Variants in MICU3 observed in about 807,000 individuals in gnomAD.
The protein encoded by MICU3 is mitochondrial calcium uptake 3, also known as calcium uptake protein 3, mitochondrial.
MICU3 carries 62 observed loss-of-function variants against 66.5 expected under a neutral mutation model. The ratio of observed to expected loss-of-function variants is 0.93; its 90% CI spans 0.76 to 1.15. The LOEUF is 1.15. Among genes scored for constraint, MICU3 ranks in the 50% most tolerant of loss-of-function variants. The pLI is 0.00. For missense variants in MICU3, 779 were observed against 664.4 expected, an observed-to-expected ratio of 1.17 and a Z score of -1.90; for synonymous variants, 308 against 240.7, an observed-to-expected ratio of 1.28 and a Z score of -2.59.
intron 12 of MICU3, 109 bp from the exon 13 acceptor site, chr8:17,116,334 G>T: frequency 3.0e-6 from 2 of 665,188 alleles, no homozygotes; most frequent in Non-Finnish European, 4.5e-6. Context: ...TGTTGCATAA[G>T]ATCATGATTC....
At chr8:17,070,569 CTATTTTT>C (rs1404948520) in intron 3 of MICU3, among the ~76,000 whole-genome samples, 1 of 151,290 alleles carries the variant, frequency 6.6e-6, no homozygotes, top group Non-Finnish European at 1.5e-5. Context: ...TGCTAATTTT[CTATTTTT>C]TAAGTTAACT....
intron 11 of MICU3, among the ~76,000 whole-genome samples, chr8:17,110,207 A>AT (rs1443004577): frequency 1.3e-5 from 2 of 152,012 alleles, no homozygotes; most frequent in African/African-American, 4.8e-5. Flanking sequence ...ATTTGTTTGG[A>AT]TTTTTTGAGT....
At chr8:17,114,265 G>A (rs1802482937) in intron 12 of MICU3, 64 bp downstream of exon 12, 5 of 1,058,878 alleles carry the variant, frequency 4.7e-6, no homozygotes, top group East Asian at 2.5e-5. Context: ...ATAGATTTTG[G>A]CAACCAATTA....
intron 1 of MICU3, among the ~76,000 whole-genome samples, chr8:17,044,135 A>G (rs1814672909): frequency 1.3e-5 from 2 of 152,222 alleles, no homozygotes; most frequent in African/African-American, 4.8e-5. Context: ...TTCACATAGC[A>G]GAATTTGGAA....
At chr8:17,056,120 C>A (rs949718654) in intron 1 of MICU3, among the ~76,000 whole-genome samples, 2 of 152,112 alleles carry the variant, frequency 1.3e-5, no homozygotes, top group East Asian at 3.9e-4. Flanking sequence ...GTCTTCTATC[C>A]GAATCCCCTG....
At chr8:17,069,469 A>G (rs527822440) in intron 2 of MICU3, among the ~76,000 whole-genome samples, 11 of 152,218 alleles carry the variant, frequency 7.2e-5, no homozygotes, top group African/African-American at 2.2e-4. Context: ...TGTTTCCTGT[A>G]TCACTGATAC....
the MICU3 span, among the ~76,000 whole-genome samples, chr8:17,129,782 AAG>A: frequency 2.0e-5 from 3 of 152,230 alleles, no homozygotes; most frequent in Non-Finnish European, 4.4e-5. Context: ...AGAAATGTGT[AAG>A]AGTTTCAAGA....
intron 1 of MICU3, among the ~76,000 whole-genome samples, chr8:17,057,084 C>G (rs1480046501): frequency 6.6e-6 from 1 of 152,160 alleles, no homozygotes; most frequent in African/African-American, 2.4e-5. Context: ...GAAGTTCTGT[C>G]AGTAAATAAC....
intron 11 of MICU3, among the ~76,000 whole-genome samples, chr8:17,112,903 C>T (rs1377260808): frequency 6.6e-6 from 1 of 152,170 alleles, no homozygotes; most frequent in Non-Finnish European, 1.5e-5. Context: ...CTTTCTGGTG[C>T]AGTCCTCCTA....
At chr8:17,124,250 T>C (rs1803345561), downstream of MICU3, among the ~76,000 whole-genome samples, 1 of 152,136 alleles carries the variant, frequency 6.6e-6, no homozygotes, top group Non-Finnish European at 1.5e-5. Flanking sequence ...TCAGTTATTA[T>C]ATTTGCTTCC....
In MICU3 at chr8:17,085,271, T is replaced by G; in HGVS notation, c.730T>G (p.Phe244Val). ...AGGGTTCAGAATAGCTTTCAACATG[T>G]TTGACACTGATGGCAATGAGATGGT... ...HAGFRIAFNMFDTDGNEMVDK... is the reference protein window; with the variant it reads ...HAGFRIAFNMVDTDGNEMVDK... Residue 244 changes from phenylalanine to valine, a missense_variant, in exon 6 of 15, where the codon TTT (phenylalanine) becomes GTT (valine). Transcript: ENST00000318063. 6.2e-7 allele frequency: 1 copy of G among 1,611,642 alleles called. No homozygotes were observed. The highest frequency in any genetic ancestry group is 1.1e-5 in the South Asian group (1 of 90,828).
the MICU3 span, among the ~76,000 whole-genome samples, chr8:17,137,986 A>G: frequency 6.6e-6 from 1 of 151,982 alleles, no homozygotes; most frequent in Admixed American, 6.6e-5. Flanking sequence ...AAGTGCTGGG[A>G]TTACAGGCAT....
intron 1 of MICU3, among the ~76,000 whole-genome samples, chr8:17,055,758 G>T (rs934002559): frequency 6.6e-6 from 1 of 152,178 alleles, no homozygotes; most frequent in Non-Finnish European, 1.5e-5. Flanking sequence ...GTCCTAGTAC[G>T]TTCTCTTGGG....
chr8:17,048,031 C>T (rs565289332), intron 1 of MICU3, among the ~76,000 whole-genome samples: 1 of 152,168 alleles, frequency 6.6e-6, no homozygotes, highest in Non-Finnish European at 1.5e-5. Flanking sequence ...TAAAGTGTTT[C>T]ATGGGGGAAA....
intron 1 of MICU3, among the ~76,000 whole-genome samples, chr8:17,032,955 C>T (rs1202266551): frequency 6.6e-6 from 1 of 152,172 alleles, no homozygotes; most frequent in Admixed American, 6.5e-5. Context: ...GTACCATGCA[C>T]CATGAACCGC....
At chr8:17,087,426 G>A (rs1306198799) in intron 7 of MICU3, among the ~76,000 whole-genome samples, 2 of 151,948 alleles carry the variant, frequency 1.3e-5, no homozygotes, top group Non-Finnish European at 2.9e-5. Flanking sequence ...ACGAATAGAA[G>A]GAGATGATAT....
chr8:17,063,324 C>A (rs1818162306), intron 1 of MICU3, among the ~76,000 whole-genome samples: 1 of 152,078 alleles, frequency 6.6e-6, no homozygotes, highest in Non-Finnish European at 1.5e-5. Flanking sequence ...TAAAATCCCA[C>A]TTTTTTGCCA....
intron 9 of MICU3, among the ~76,000 whole-genome samples, chr8:17,103,665 ATTATACT>A: frequency 6.6e-6 from 1 of 152,006 alleles, no homozygotes; most frequent in East Asian, 1.9e-4. Context: ...TTCATAGGCC[ATTATACT>A]TTATAAGGAC....
At chr8:17,117,963 T>C (rs79820592) in intron 13 of MICU3, among the ~76,000 whole-genome samples, 1 of 152,338 alleles carries the variant, frequency 6.6e-6, no homozygotes, top group East Asian at 1.9e-4. Flanking sequence ...TCAAGATTCA[T>C]CTGAGACAGT....
Sources: allele counts gnomAD v4.1 joint callset (sites outside exome capture counted in the v4.1 genomes callset), GRCh38; gene constraint gnomAD v4.1.1; transcripts MANE v1.5; gene names NCBI Gene and HGNC (gene_info 2026-07-23, HGNC 2026-07-21).